The following PTPRA variants were observed in gnomAD, a reference collection of about 807,000 sequenced individuals.
PTPRA encodes the protein protein tyrosine phosphatase receptor type A, also known as receptor-type tyrosine-protein phosphatase alpha.
PTPRA carries 25 observed loss-of-function variants against 104.8 expected under a neutral mutation model. The observed-to-expected ratio is 0.24, with a 90% CI of 0.17 to 0.33. The LOEUF is 0.33. Among genes scored for constraint, PTPRA ranks in the 10% least tolerant of loss-of-function variants. PTPRA has a pLI of 1.00. For synonymous variants in PTPRA, 323 were observed against 368.9 expected, an observed-to-expected ratio of 0.88 and a Z score of 1.43; for missense variants, 765 against 1,015.3, an observed-to-expected ratio of 0.75 and a Z score of 3.35.
intron 9 of PTPRA, among the ~76,000 whole-genome samples, chr20:3,003,852 T>C (rs1167707840): frequency 6.6e-6 from 1 of 151,884 alleles, no homozygotes; most frequent in Non-Finnish European, 1.5e-5. Context: ...AGCTCCTTTT[T>C]TCATCCTTAA....
At chr20:2,945,793 G>A (rs868654660) in intron 2 of PTPRA, among the ~76,000 whole-genome samples, 21 of 151,890 alleles carry the variant, frequency 1.4e-4, no homozygotes, top group South Asian at 4.2e-4. Flanking sequence ...GCCAGACGTG[G>A]TGGCAGGTGC....
rs533193903 is a variant in PTPRA, at chr20:2,874,099, A to G, written c.-129+339A>G. Reference sequence around the variant, plus strand: ...GCGAGAACAGAATTTGCTCAGGTCCATTTAATGGGAGGAAAGAGGAAAACT... The same window carrying G: ...GCGAGAACAGAATTTGCTCAGGTCCGTTTAATGGGAGGAAAGAGGAAAACT... On this transcript the variant is annotated intron_variant, in intron 1 of 23. Coordinates refer to ENST00000399903, the MANE Select transcript of PTPRA (RefSeq NM_001385305.1). Among the ~76,000 whole-genome samples the G allele has an allele frequency of 1.9e-3, 294 of 152,080 alleles. 1 individual carries two copies. The highest frequency in any genetic ancestry group is 6.7e-3 in the African/African-American group (280 of 41,562).
At chr20:2,908,325 ATG>A (rs1418658468) in intron 1 of PTPRA, among the ~76,000 whole-genome samples, 1 of 152,200 alleles carries the variant, frequency 6.6e-6, no homozygotes, top group Non-Finnish European at 1.5e-5. Flanking sequence ...GTCCAATTAT[ATG>A]AGAATTTTTT....
At chr20:2,907,169 G>T (rs2059457068) in intron 1 of PTPRA, among the ~76,000 whole-genome samples, 1 of 152,166 alleles carries the variant, frequency 6.6e-6, no homozygotes. Context: ...TATAAGTGTT[G>T]TTCTGTCCTG....
chr20:3,026,656 A>G (rs1168579470), intron 17 of PTPRA, 31 bp from the exon 18 acceptor site: 1 of 1,525,058 alleles, frequency 6.6e-7, no homozygotes, highest in African/African-American at 1.4e-5. Flanking sequence ...TACTGGGATC[A>G]GTAATGTTTC....
intron 1 of PTPRA, among the ~76,000 whole-genome samples, chr20:2,918,413 A>G (rs2059986475): frequency 6.6e-6 from 1 of 152,206 alleles, no homozygotes; most frequent in Admixed American, 6.5e-5. Context: ...AGGAAGCAAA[A>G]AGGCAGAAAC....
At position 2,988,082 on chromosome 20, in the gene PTPRA, C is replaced by G; in HGVS notation, c.578C>G (p.Ser193Cys). The G allele has an allele frequency of 6.3e-7, 1 of 1,589,926 alleles. No individual in the cohort carries two copies. Among genetic ancestry groups the G allele is most frequent in the South Asian group, 1.1e-5 (1 of 90,564 alleles). ...AGSHSNSFRL[S>C]NGRTEDVEPQ... ...AGCCATTCCAATTCTTTCCGCTTAT[C>G]CAACGGCCGCACTGAGGATGTGGGT... is the stretch of plus-strand genomic sequence containing the variant. The change falls in exon 8 of 24, where the codon TCC (serine) becomes TGC (cysteine). Residue 193 changes from serine to cysteine, a missense_variant. Physicochemically the swap from Ser to Cys is moderately radical, Grantham distance 112. This residue lies in a region of PTPRA where 256 missense variants were observed against 248.9 expected (regional missense o/e 1.03). Coordinates refer to ENST00000399903, the MANE Select transcript of PTPRA (RefSeq NM_001385305.1).
chr20:3,010,734 A>G (rs910430809), intron 11 of PTPRA, among the ~76,000 whole-genome samples: 1 of 152,208 alleles, frequency 6.6e-6, no homozygotes, highest in Non-Finnish European at 1.5e-5. Flanking sequence ...AAGGCTTTTC[A>G]CGGAATCCTC....
chr20:3,003,386 G>A (rs2063722241), intron 9 of PTPRA, among the ~76,000 whole-genome samples: 1 of 152,104 alleles, frequency 6.6e-6, no homozygotes, highest in Admixed American at 6.6e-5. Flanking sequence ...TAAATAATTA[G>A]GACATAAAGA....
At chr20:2,864,666 A>ATGGGGCGTG in the PTPRA span, 111 of 1,613,252 alleles carry the variant, frequency 6.9e-5, no homozygotes, top group East Asian at 2.5e-4. The surrounding 1 kb of genome is among the most constrained non-coding windows in gnomAD (Gnocchi z 5.2). Context: ...TCTGAGATCC[A>ATGGGGCGTG]TGGGGCGTGT....
At chr20:2,885,023 A>C (rs1425106249) in intron 1 of PTPRA, among the ~76,000 whole-genome samples, 1 of 151,946 alleles carries the variant, frequency 6.6e-6, no homozygotes, top group Admixed American at 6.6e-5. Context: ...GTTAGCCAGG[A>C]TGGTCTCGAC....
intron 9 of PTPRA, among the ~76,000 whole-genome samples, chr20:3,003,306 A>C (rs1184326304): frequency 6.6e-6 from 1 of 152,218 alleles, no homozygotes; most frequent in Non-Finnish European, 1.5e-5. Context: ...AAAGTAATGC[A>C]TGAATTGTTC....
intron 20 of PTPRA, among the ~76,000 whole-genome samples, chr20:3,030,191 T>TC (rs1188595305): frequency 2.0e-5 from 3 of 152,192 alleles, no homozygotes; most frequent in Non-Finnish European, 4.4e-5. Context: ...TGCAGGCTCT[T>TC]CCATCCTTGA....
At chr20:2,906,444 AT>A (rs1299560407) in intron 1 of PTPRA, among the ~76,000 whole-genome samples, 1 of 152,186 alleles carries the variant, frequency 6.6e-6, no homozygotes, top group Admixed American at 6.5e-5. Flanking sequence ...GATAGTAAAT[AT>A]TTTAGATTTT....
chr20:2,942,998 CT>C (rs1337328281), intron 2 of PTPRA, among the ~76,000 whole-genome samples: 3 of 151,606 alleles, frequency 2.0e-5, no homozygotes, highest in Non-Finnish European at 4.4e-5. Context: ...CAGCATGTTC[CT>C]TTTTCTCTTT....
At chr20:2,915,726 G>A (rs1465366786) in intron 1 of PTPRA, among the ~76,000 whole-genome samples, 1 of 152,188 alleles carries the variant, frequency 6.6e-6, no homozygotes, top group Non-Finnish European at 1.5e-5. Context: ...GGTGGCTCAT[G>A]CCTGTAATCC....
intron 2 of PTPRA, among the ~76,000 whole-genome samples, chr20:2,935,826 C>T (rs1471992845): frequency 6.6e-6 from 1 of 152,178 alleles, no homozygotes; most frequent in African/African-American, 2.4e-5. Context: ...ACTAGCCTGA[C>T]TGCCATGGTA....
chr20:2,924,302 T>C (rs2060211713), intron 2 of PTPRA, among the ~76,000 whole-genome samples: 11 of 152,250 alleles, frequency 7.2e-5, no homozygotes, highest in Admixed American at 4.6e-4. Flanking sequence ...CTCAGGAGGC[T>C]AAGACAGGAG....
Position 2,989,750 on chromosome 20 carries a change from G to A in PTPRA, c.738+1276G>A, listed in dbSNP as rs549811908. On this transcript the variant is annotated intron_variant, in intron 9 of 23. Transcript: ENST00000399903. ...AAAAATGACTCAGCTGGGCACGGTG[G>A]CTCACGCCTGTAATCCCAGCACTTT... 1.2e-4 allele frequency among the ~76,000 whole-genome samples: 18 copies of A among 152,262 alleles called. 1 individual carries two copies. The South Asian group carries it at 3.5e-3, about 30-fold the overall frequency.
Sources: allele counts gnomAD v4.1 joint callset (sites outside exome capture counted in the v4.1 genomes callset), GRCh38; gene constraint gnomAD v4.1.1; regional missense constraint gnomAD v4.1.1; non-coding constraint Gnocchi (gnomAD v3.1); transcripts MANE v1.5; gene names NCBI Gene and HGNC (gene_info 2026-07-23, HGNC 2026-07-21).